The following KDM2B variants were observed in gnomAD, a reference collection of about 807,000 sequenced individuals.
The protein encoded by KDM2B is lysine-specific demethylase 2B.
KDM2B carries 26 observed loss-of-function variants against 150.0 expected under a neutral mutation model. The ratio of observed to expected loss-of-function variants is 0.17; its 90% CI spans 0.13 to 0.24. KDM2B has a LOEUF of 0.24. Ranked by LOEUF, KDM2B falls within the 10% of genes least tolerant of loss-of-function variation. KDM2B has a pLI of 1.00. For missense variants in KDM2B, 1,265 were observed against 1,816.9 expected (o/e 0.70, Z 5.52); for synonymous variants, 734 against 729.5 (o/e 1.01, Z -0.10).
rs192072117 is a variant in KDM2B, at chr12:121,474,080, G to C, written c.1734+20499C>G. 4.6e-5 allele frequency among the ~76,000 whole-genome samples: 7 copies of C among 152,338 alleles called. No homozygotes were observed. In the East Asian group the frequency reaches 1.2e-3, roughly 25 times the overall value. On this transcript the variant is annotated intron_variant, in intron 12 of 22. Coordinates refer to ENST00000377071, the MANE Select transcript of KDM2B (RefSeq NM_032590.5). ...TTAGCGGTTGCCAGGGACCAGGGGA[G>C]GGGGAGCAGGGAGTGACAGCTGATG...
chr12:121,564,299 T>C (rs781819195), intron 4 of KDM2B, among the ~76,000 whole-genome samples: 1 of 149,804 alleles, frequency 6.7e-6, no homozygotes, highest in Non-Finnish European at 1.5e-5. Flanking sequence ...CTACTAAAAA[T>C]ACAAAAAAAT....
chr12:121,542,854 A>G (rs1555309966), intron 6 of KDM2B, among the ~76,000 whole-genome samples: 1 of 152,004 alleles, frequency 6.6e-6, no homozygotes, highest in Non-Finnish European at 1.5e-5. Flanking sequence ...CTTTTTTCCC[A>G]CCACAATGTA....
intron 11 of KDM2B, among the ~76,000 whole-genome samples, chr12:121,497,691 G>A (rs570051766): frequency 2.2e-4 from 33 of 152,246 alleles, no homozygotes; most frequent in African/African-American, 7.9e-4. Context: ...AAACTGTCAA[G>A]GTCATCAAAA....
intron 6 of KDM2B, among the ~76,000 whole-genome samples, chr12:121,540,389 T>A (rs1888512787): frequency 6.6e-6 from 1 of 151,770 alleles, no homozygotes; most frequent in South Asian, 2.1e-4. Context: ...GGTCTTGAGG[T>A]TAAGGGTGAA....
At chr12:121,516,793 C>A in intron 9 of KDM2B, 1 of 671,664 alleles carries the variant, frequency 1.5e-6, no homozygotes, top group South Asian at 1.6e-5. Context: ...ATCTAGAACT[C>A]CCAGGTCTCA....
At chr12:121,559,506 C>T (rs529106395) in intron 4 of KDM2B, among the ~76,000 whole-genome samples, 9 of 152,268 alleles carry the variant, frequency 5.9e-5, no homozygotes, top group East Asian at 3.9e-4. Flanking sequence ...GAAACACAGA[C>T]GTGACAGAAC....
chr12:121,484,235 G>A (rs1035516905), intron 12 of KDM2B, among the ~76,000 whole-genome samples: 1 of 152,204 alleles, frequency 6.6e-6, no homozygotes, highest in Non-Finnish European at 1.5e-5. Context: ...CTGGGGAGGG[G>A]CTGAGGTGCA....
downstream of KDM2B, among the ~76,000 whole-genome samples, chr12:121,425,302 G>A (rs898018337): frequency 2.4e-5 from 3 of 123,852 alleles, no homozygotes; most frequent in South Asian, 4.7e-4. Context: ...GCGAAACTCC[G>A]TCTCAAAAAA....
intron 11 of KDM2B, among the ~76,000 whole-genome samples, chr12:121,501,533 C>T (rs1303349472): frequency 6.6e-6 from 1 of 152,154 alleles, no homozygotes; most frequent in Non-Finnish European, 1.5e-5. Flanking sequence ...GACTTTGGAG[C>T]GAGCAGAGCC....
chr12:121,543,488 C>A lies in KDM2B; in HGVS notation c.683+5389G>T, dbSNP rs140494548. Reference sequence around the variant, plus strand: ...CCAGCCTGGGTAACACAGAGACATCCCCCTGCTGCCATCTCTACAAATTTA... The same window carrying A: ...CCAGCCTGGGTAACACAGAGACATCACCCTGCTGCCATCTCTACAAATTTA... On this transcript the variant is annotated intron_variant, in intron 6 of 22. Coordinates refer to ENST00000377071, the MANE Select transcript of KDM2B (RefSeq NM_032590.5). 8.6e-4 allele frequency among the ~76,000 whole-genome samples: 131 copies of A among 151,918 alleles called. 2 individuals carry two copies. In the East Asian group the frequency reaches 0.021, roughly 24 times the overall value.
At chr12:121,461,408 G>A (rs1264581144) in intron 12 of KDM2B, among the ~76,000 whole-genome samples, 3 of 152,162 alleles carry the variant, frequency 2.0e-5, no homozygotes, top group South Asian at 2.1e-4. Context: ...CAACAGTGAG[G>A]GGAGTGGATA....
Position 121,530,338 on chromosome 12 carries a change from A to G in KDM2B, c.931+2468T>C, listed in dbSNP as rs927903658. On this transcript the variant is annotated intron_variant, in intron 8 of 22. Coordinates refer to ENST00000377071, the MANE Select transcript of KDM2B (RefSeq NM_032590.5). ...TGAGAAAAACTATCAAAGTTAAAGT[A>G]CTATCCTTTATTCTGACATTTTATA... Among the ~76,000 whole-genome samples, 10 of 152,180 alleles carry G rather than the reference A, an allele frequency of 6.6e-5. 1 individual carries two copies. Among genetic ancestry groups the G allele is most frequent in the Admixed American group, 6.5e-4 (10 of 15,270 alleles).
chr12:121,443,097 C>A, intron 17 of KDM2B, 67 bp from the exon 18 acceptor site: 1 of 1,465,680 alleles, frequency 6.8e-7, no homozygotes, highest in Non-Finnish European at 9.4e-7. Context: ...TCCTCGACAC[C>A]CCACCCCACC....
At chr12:121,459,353 C>T (rs537648261) in intron 12 of KDM2B, among the ~76,000 whole-genome samples, 41 of 152,270 alleles carry the variant, frequency 2.7e-4, no homozygotes, top group African/African-American at 9.4e-4. Context: ...AGACCCCTAC[C>T]TCACACCACA....
At chr12:121,496,629 G>A (rs1883972656) in intron 11 of KDM2B, among the ~76,000 whole-genome samples, 1 of 151,728 alleles carries the variant, frequency 6.6e-6, no homozygotes, top group Non-Finnish European at 1.5e-5. Flanking sequence ...TCAGTAGCCG[G>A]GACTACAAGT....
Position 121,444,191 on chromosome 12 carries a change from T to C in KDM2B, c.2272A>G (p.Lys758Glu), listed in dbSNP as rs1285695773. Residue 758 changes from lysine (K) to glutamate (E), a missense_variant, in exon 16 of 23, where the codon AAG (lysine) becomes GAG (glutamate). Transcript: ENST00000377071. ...LKEQKMNRDNKEGQEPAKRRS... is the reference protein window; with the variant it reads ...LKEQKMNRDNEEGQEPAKRRS... ...CGCTTGGCAGGTTCCTGCCCTTCCT[T>C]GTTGTCCCGGTTCATCTTCTGCTCC... is the stretch of plus-strand genomic sequence containing the variant. 15 of 1,612,850 alleles carry C rather than the reference T, an allele frequency of 9.3e-6. No homozygotes were observed. The Admixed American group carries it at 1.7e-4, about 18-fold the overall frequency.
the KDM2B span, chr12:121,423,405 G>C: frequency 1.2e-6 from 2 of 1,608,978 alleles, no homozygotes; most frequent in Non-Finnish European, 1.7e-6. The surrounding 1 kb of genome is among the most constrained non-coding windows in gnomAD (Gnocchi z 4.3). Context: ...GGCTGCAGCT[G>C]CAGGATGAGG....
intron 9 of KDM2B, chr12:121,516,623 AG>A (rs1290333225): frequency 2.1e-6 from 2 of 949,572 alleles, no homozygotes; most frequent in East Asian, 5.4e-5. Flanking sequence ...AAGGCAAGGC[AG>A]TCACAAGGCA....
chr12:121,436,207 CA>C (rs1264351351), intron 22 of KDM2B, among the ~76,000 whole-genome samples: 1 of 152,192 alleles, frequency 6.6e-6, no homozygotes, highest in African/African-American at 2.4e-5. Flanking sequence ...AACTGCACAA[CA>C]GCAGAAACTA....
Sources: gnomAD v4.1 joint callset for allele counts (sites outside exome capture counted in the v4.1 genomes callset) on GRCh38, gnomAD v4.1.1 for gene constraint, Gnocchi (gnomAD v3.1) non-coding constraint, MANE v1.5 for transcripts, NCBI Gene and HGNC (gene_info 2026-07-23, HGNC 2026-07-21) for gene names.